The following FGF14 variants were observed in gnomAD, a reference collection of about 807,000 sequenced individuals.
FGF14 encodes fibroblast growth factor homologous factor 4.
A neutral mutation model predicts 25.5 loss-of-function variants in FGF14; 5 were observed. The observed-to-expected ratio is 0.20, with a 90% confidence interval of 0.10 to 0.41. FGF14 has a LOEUF of 0.41. FGF14 is among the 10% of genes least tolerant of loss of function. FGF14 has a pLI of 1.00. For synonymous variants in FGF14, 138 were observed against 118.3 expected (o/e 1.17, Z -1.08); for missense variants, 222 against 320.1 (o/e 0.69, Z 2.34).
chr13:102,121,480 T>C (rs186310031), intron 1 of FGF14, among the ~76,000 whole-genome samples: 5 of 152,254 alleles, frequency 3.3e-5, no homozygotes, highest in Middle Eastern at 3.4e-3. Flanking sequence ...CTAATAAGCA[T>C]AGTAAAACTA....
intron 1 of FGF14, among the ~76,000 whole-genome samples, chr13:102,329,400 G>A (rs1010136423): frequency 6.6e-6 from 1 of 151,970 alleles, no homozygotes; most frequent in African/African-American, 2.4e-5. Context: ...TCCCCCTCCC[G>A]AAAGACCTAT....
chr13:101,853,353 A>C (rs2043955412), intron 3 of FGF14, among the ~76,000 whole-genome samples: 1 of 152,126 alleles, frequency 6.6e-6, no homozygotes, highest in South Asian at 2.1e-4. Flanking sequence ...ACACTAACCT[A>C]TTACCAACAA....
chr13:102,050,266 A>T (rs1337732463), intron 1 of FGF14, among the ~76,000 whole-genome samples: 1 of 152,204 alleles, frequency 6.6e-6, no homozygotes, highest in Non-Finnish European at 1.5e-5. Flanking sequence ...TAATAAACTC[A>T]TAAAACTAAA....
rs1326380631 is a variant in FGF14, at chr13:102,376,123, T to C, written c.208+25348A>G. 2.6e-5 allele frequency among the ~76,000 whole-genome samples: 4 copies of C among 152,278 alleles called. No homozygotes were observed. In the East Asian group the frequency reaches 7.7e-4, roughly 29 times the overall value. ...GTCCCTACCCAAATTTCACCTTGAA[T>C]TGTAATAATCCGCATGTGTCAAGGG... is the stretch of plus-strand genomic sequence containing the variant. On this transcript the variant is annotated intron_variant, in intron 1 of 4. Coordinates refer to the FGF14 transcript ENST00000376131.
intron 1 of FGF14, among the ~76,000 whole-genome samples, chr13:101,909,093 A>T (rs997826785): frequency 1.3e-5 from 2 of 152,240 alleles, no homozygotes; most frequent in Admixed American, 6.5e-5. Flanking sequence ...AATTAATTCA[A>T]GATGGATTAA....
intron 1 of FGF14, among the ~76,000 whole-genome samples, chr13:101,978,152 T>G (rs2038040650): frequency 6.6e-6 from 1 of 152,228 alleles, no homozygotes; most frequent in African/African-American, 2.4e-5. Flanking sequence ...TTTTGTGGTT[T>G]TAAATTATTC....
intron 1 of FGF14, among the ~76,000 whole-genome samples, chr13:102,098,433 A>G (rs1297303692): frequency 1.3e-5 from 2 of 152,268 alleles, no homozygotes; most frequent in African/African-American, 4.8e-5. Context: ...TATTATTCAT[A>G]TACTTTTTAT....
chr13:102,358,397 G>A (rs1262385616), intron 1 of FGF14, among the ~76,000 whole-genome samples: 1 of 152,146 alleles, frequency 6.6e-6, no homozygotes, highest in African/African-American at 2.4e-5. Context: ...AACTTAAGAG[G>A]TTTCCTAACT....
chr13:101,913,709 C>A (rs1406911369), intron 1 of FGF14, among the ~76,000 whole-genome samples: 1 of 150,232 alleles, frequency 6.7e-6, no homozygotes, highest in African/African-American at 2.5e-5. Flanking sequence ...TCTACCTGCT[C>A]TTAAAATCTC....
chr13:102,047,690 G>T (rs1263392618), intron 1 of FGF14, among the ~76,000 whole-genome samples: 4 of 151,924 alleles, frequency 2.6e-5, no homozygotes, highest in Non-Finnish European at 5.9e-5. Context: ...GGGGTGGTGG[G>T]AAGGGGGAGG....
chr13:102,283,126 T>C (rs570156004), intron 1 of FGF14, among the ~76,000 whole-genome samples: 1 of 152,276 alleles, frequency 6.6e-6, no homozygotes, highest in African/African-American at 2.4e-5. Context: ...GCTCCTGCCA[T>C]CACGCTCATG....
At chr13:101,910,871 TG>T (rs2032857705) in intron 1 of FGF14, among the ~76,000 whole-genome samples, 1 of 147,536 alleles carries the variant, frequency 6.8e-6, no homozygotes, top group South Asian at 2.1e-4. Context: ...TGTGTGTGTG[TG>T]TGTGTGTGTG....
intron 4 of FGF14, among the ~76,000 whole-genome samples, chr13:101,726,228 T>C (rs1368176090): frequency 6.6e-6 from 1 of 152,096 alleles, no homozygotes; most frequent in African/African-American, 2.4e-5. Flanking sequence ...CAAAACTTAT[T>C]TTTTCTAATA....
At chr13:101,768,380 C>A (rs9518525) in intron 3 of FGF14, among the ~76,000 whole-genome samples, 64,570 of 151,946 alleles carry the variant, frequency 0.42, 14,912 homozygotes, top group Middle Eastern at 0.52. Context: ...ATATTGTCAG[C>A]ATATCAGTTA....
In FGF14 at chr13:101,945,040, G is replaced by C. The variant is rs574078281; in HGVS notation, c.209-69744C>G. 2.1e-4 allele frequency among the ~76,000 whole-genome samples: 32 copies of C among 152,282 alleles called. No homozygotes were observed. In the East Asian group the frequency reaches 6.2e-3, roughly 29 times the overall value. ...ACACTTAAAAATGGTTACAGGCCAG[G>C]CGCGGTGGCTCACGCCTGTAATCCC... On this transcript the variant is annotated intron_variant, in intron 1 of 4. Coordinates refer to the FGF14 transcript ENST00000376131.
chr13:102,025,789 C>T (rs567062241), intron 1 of FGF14, among the ~76,000 whole-genome samples: 6 of 151,988 alleles, frequency 3.9e-5, no homozygotes, highest in East Asian at 1.9e-4. Context: ...CTTAACTTCA[C>T]TTTCAGATTT....
chr13:102,288,472 A>T (rs563247573), intron 1 of FGF14, among the ~76,000 whole-genome samples: 1 of 152,316 alleles, frequency 6.6e-6, no homozygotes, highest in East Asian at 1.9e-4. Flanking sequence ...TAGTCCTTTC[A>T]TGACACAAAA....
chr13:102,154,280 C>T lies in FGF14; in HGVS notation c.208+247191G>A, dbSNP rs188380626. Among the ~76,000 whole-genome samples the T allele has an allele frequency of 9.5e-3, 1,440 of 152,014 alleles. 7 individuals carry two copies. The highest frequency in any genetic ancestry group is 0.016 in the Non-Finnish European group (1,066 of 68,014). ...GCAGCCAGAGAGAAAAGTTGGGTTACCCACAAAGGGAAGCCCATCAGACTA... is the reference window on the plus strand; with the variant it reads ...GCAGCCAGAGAGAAAAGTTGGGTTATCCACAAAGGGAAGCCCATCAGACTA... On this transcript the variant is annotated intron_variant, in intron 1 of 4. Coordinates refer to the FGF14 transcript ENST00000376131.
intron 3 of FGF14, among the ~76,000 whole-genome samples, chr13:101,750,693 G>A (rs2037214499): frequency 6.6e-6 from 1 of 152,128 alleles, no homozygotes; most frequent in African/African-American, 2.4e-5. Flanking sequence ...TTGATCCTTG[G>A]TGTTTACTCA....
Sources: allele counts gnomAD v4.1 joint callset (sites outside exome capture counted in the v4.1 genomes callset), GRCh38; gene constraint gnomAD v4.1.1; transcripts MANE v1.5; gene names NCBI Gene and HGNC (gene_info 2026-07-23, HGNC 2026-07-21).